ZNF516: variants seen among roughly 807,000 people sequenced by gnomAD.
ZNF516 encodes zinc finger protein 516.
ZNF516 carries 19 observed loss-of-function variants against 79.7 expected under a neutral mutation model. The observed-to-expected ratio is 0.24, with a 90% CI of 0.17 to 0.35. The LOEUF is 0.35. Among genes scored for constraint, ZNF516 ranks in the 10% least tolerant of loss-of-function variants. ZNF516 has a pLI of 1.00. For missense variants in ZNF516, 1,678 were observed against 1,679.5 expected (o/e 1.00, Z 0.02); for synonymous variants, 877 against 739.5 (o/e 1.19, Z -3.02).
At chr18:76,481,493 G>T (rs1191311404) in intron 1 of ZNF516, among the ~76,000 whole-genome samples, 2 of 152,146 alleles carry the variant, frequency 1.3e-5, no homozygotes, top group African/African-American at 4.8e-5. Flanking sequence ...CTCCACACAG[G>T]GTAACAAGCA....
In ZNF516 at chr18:76,441,370, C is replaced by T; in HGVS notation, c.1685G>A (p.Gly562Asp). The T allele has an allele frequency of 6.2e-7, 1 of 1,611,184 alleles. No individual in the cohort carries two copies. Among genetic ancestry groups the T allele is most frequent in the Non-Finnish European group, 8.5e-7 (1 of 1,179,282 alleles). ...GCTGCTGGGCTGGGAGGCCGAGTCA[C>T]CCTCACTGAGTGATCCGCAGCGGGC... ...ARARCGSLSE[G>D]DSASQPSSPG... Residue 562 changes from glycine (G) to aspartate (D), a missense_variant, in exon 3 of 7, where the codon GGT (glycine) becomes GAT (aspartate). By Grantham distance (94) the Gly-to-Asp change is moderately conservative. This residue lies in a region of ZNF516 where 1,294 missense variants were observed against 1,248.3 expected (regional missense o/e 1.04). Transcript: ENST00000443185.
At chr18:76,462,311 A>T (rs148364984) in intron 2 of ZNF516, among the ~76,000 whole-genome samples, 1 of 152,226 alleles carries the variant, frequency 6.6e-6, no homozygotes, top group South Asian at 2.1e-4. Flanking sequence ...TGATGACCCA[A>T]TCGATTACTG....
In ZNF516 at chr18:76,384,264, C is replaced by T. The variant is rs1243560144; in HGVS notation, c.1811-3961G>A. 6.0e-5 allele frequency among the ~76,000 whole-genome samples: 9 copies of T among 150,232 alleles called. No individual in the cohort carries two copies. The South Asian group carries it at 8.4e-4, about 14-fold the overall frequency. On this transcript the variant is annotated intron_variant, in intron 3 of 6. Transcript: ENST00000443185. ...ACAGGACACACCCGTGCCCCCTCCA[C>T]GGCCCCCACGCCCCCACCAGGGCCC...
At chr18:76,392,599 G>A (rs570434557) in intron 3 of ZNF516, among the ~76,000 whole-genome samples, 1 of 143,054 alleles carries the variant, frequency 7.0e-6, no homozygotes. Flanking sequence ...GCCGGGTGGG[G>A]GAAGGGCAGG....
intron 1 of ZNF516, chr18:76,490,078 C>A: frequency 1.4e-6 from 1 of 715,736 alleles, no homozygotes; most frequent in Non-Finnish European, 1.7e-6. Flanking sequence ...AAACATTAGA[C>A]ATGCTTGTGC....
intron 1 of ZNF516, among the ~76,000 whole-genome samples, chr18:76,488,945 T>TA (rs1366388158): frequency 6.6e-6 from 1 of 151,860 alleles, no homozygotes. Flanking sequence ...CAAAATAGAG[T>TA]AAAAAACAAA....
chr18:76,439,160 A>C (rs1302176955), intron 3 of ZNF516, among the ~76,000 whole-genome samples: 1 of 152,222 alleles, frequency 6.6e-6, no homozygotes, highest in Non-Finnish European at 1.5e-5. Flanking sequence ...AAATCCCACA[A>C]ATCACAGTGT....
intron 3 of ZNF516, among the ~76,000 whole-genome samples, chr18:76,416,365 T>C (rs560521080): frequency 5.3e-5 from 8 of 152,360 alleles, no homozygotes; most frequent in African/African-American, 1.2e-4. Context: ...GCTGTGATGT[T>C]CTTGGGCAGA....
chr18:76,417,133 A>G (rs964235407), intron 3 of ZNF516, among the ~76,000 whole-genome samples: 2 of 152,232 alleles, frequency 1.3e-5, no homozygotes, highest in Non-Finnish European at 2.9e-5. Flanking sequence ...AAATGGTCTC[A>G]GTGAGATGCC....
intron 3 of ZNF516, among the ~76,000 whole-genome samples, chr18:76,401,873 T>TCCACCACCAACCAC (rs2075232543): frequency 4.4e-4 from 1 of 2,276 alleles, no homozygotes; most frequent in Non-Finnish European, 7.3e-4. Flanking sequence ...ACCCCTCCAC[T>TCCACCACCAACCAC]ACTGTTTATA....
At chr18:76,450,996 T>C (rs958613468) in intron 2 of ZNF516, among the ~76,000 whole-genome samples, 1 of 152,202 alleles carries the variant, frequency 6.6e-6, no homozygotes, top group Non-Finnish European at 1.5e-5. Flanking sequence ...TTTAGAGTCA[T>C]TTCCTCAACA....
intron 4 of ZNF516, among the ~76,000 whole-genome samples, chr18:76,372,564 A>T (rs1293841216): frequency 1.3e-5 from 2 of 152,254 alleles, no homozygotes; most frequent in Non-Finnish European, 2.9e-5. Flanking sequence ...AATGAAGAGA[A>T]TGACAAAAGG....
intron 2 of ZNF516, among the ~76,000 whole-genome samples, chr18:76,444,679 C>A (rs972827958): frequency 6.6e-6 from 1 of 152,170 alleles, no homozygotes; most frequent in African/African-American, 2.4e-5. Flanking sequence ...GATAATAGAC[C>A]TGAGGGGGTG....
intron 1 of ZNF516, among the ~76,000 whole-genome samples, chr18:76,488,439 G>A (rs745448115): frequency 1.5e-4 from 22 of 146,352 alleles, no homozygotes; most frequent in Non-Finnish European, 3.1e-4. Context: ...AGCTCCCCGA[G>A]CAGTGAACAA....
At chr18:76,390,785 T>G (rs79251020) in intron 3 of ZNF516, among the ~76,000 whole-genome samples, 1 of 152,190 alleles carries the variant, frequency 6.6e-6, no homozygotes, top group Non-Finnish European at 1.5e-5. Flanking sequence ...GATAAACACA[T>G]GACACTTTCC....
chr18:76,491,263 C>T (rs1915177043), intron 1 of ZNF516, among the ~76,000 whole-genome samples: 1 of 99,444 alleles, frequency 1.0e-5, no homozygotes, highest in South Asian at 3.7e-4. Flanking sequence ...CCGGACCGGA[C>T]CCGCCCCCCT....
chr18:76,363,833 A>G (rs58897257), intron 6 of ZNF516, among the ~76,000 whole-genome samples: 1 of 152,334 alleles, frequency 6.6e-6, no homozygotes, highest in East Asian at 1.9e-4. Flanking sequence ...TGGGAGTTAT[A>G]GTTAGCTATT....
At chr18:76,489,259 C>A (rs1294142758) in intron 1 of ZNF516, among the ~76,000 whole-genome samples, 1 of 152,166 alleles carries the variant, frequency 6.6e-6, no homozygotes, top group Non-Finnish European at 1.5e-5. Flanking sequence ...CAAGAATAAT[C>A]CATGACTAAA....
chr18:76,443,091 T>C lies in ZNF516; in HGVS notation c.-37A>G, dbSNP rs1246664560. ...GCGCGGCCGGTGGTGGCGGCACAGC[T>C]TTCTGTCGCGCGGGCTGCAGGGACC... On this transcript the variant is annotated 5_prime_UTR_variant, in exon 3 of 7. Transcript: ENST00000443185. 6.5e-7 allele frequency: 1 copy of C among 1,541,138 alleles called. No homozygotes were observed. Among genetic ancestry groups the C allele is most frequent in the Non-Finnish European group, 8.7e-7 (1 of 1,151,200 alleles).
Sources: allele counts gnomAD v4.1 joint callset (sites outside exome capture counted in the v4.1 genomes callset), GRCh38; gene constraint gnomAD v4.1.1; regional missense constraint gnomAD v4.1.1; transcripts MANE v1.5; gene names NCBI Gene and HGNC (gene_info 2026-07-23, HGNC 2026-07-21).